WSCD2: variants seen among roughly 807,000 people sequenced by gnomAD.
The protein encoded by WSCD2 is WSC domain sialate O sulfotransferase 2, also known as sialate:O-sulfotransferase 2.
WSCD2 carries 28 observed loss-of-function variants against 55.7 expected under a neutral mutation model. The observed-to-expected ratio is 0.50, with a 90% CI of 0.37 to 0.69. The LOEUF is 0.69. Ranked by LOEUF, WSCD2 falls within the 30% of genes least tolerant of loss-of-function variation. The pLI is 0.00. For synonymous variants in WSCD2, 301 were observed against 301.9 expected, an observed-to-expected ratio of 1.00 and a Z score of 0.03; for missense variants, 616 against 762.1, an observed-to-expected ratio of 0.81 and a Z score of 2.26.
rs563562313 is a variant in WSCD2 at position 108,183,956 on chromosome 12, A to T, written c.-551-11326A>T. ...GGGGAGAGGCAATGGCACAGGGTACATGGAAGGGCCTGGCACATAGTAATT... is the reference window on the plus strand; with the variant it reads ...GGGGAGAGGCAATGGCACAGGGTACTTGGAAGGGCCTGGCACATAGTAATT... On this transcript the variant is annotated intron_variant, in intron 1 of 8. Coordinates refer to ENST00000547525, the MANE Select transcript of WSCD2 (RefSeq NM_014653.4). Among the ~76,000 whole-genome samples the T allele has an allele frequency of 5.9e-5, 9 of 152,310 alleles. No individual in the cohort carries two copies. In the East Asian group the frequency reaches 1.7e-3, roughly 29 times the overall value.
chr12:108,207,921 C>A lies in WSCD2; in HGVS notation c.497+1518C>A, dbSNP rs912106303. ...CTCACAGCCGGCAAGGGGAGACAAA[C>A]ATGTAAACAGAGAGGGATAACATAG... On this transcript the variant is annotated intron_variant, in intron 3 of 8. Coordinates refer to ENST00000547525, the MANE Select transcript of WSCD2 (RefSeq NM_014653.4). 3.9e-5 allele frequency among the ~76,000 whole-genome samples: 6 copies of A among 152,230 alleles called. No individual in the cohort carries two copies. The East Asian group carries it at 9.6e-4, about 24-fold the overall frequency.
chr12:108,194,732 A>T (rs769595308), intron 1 of WSCD2, among the ~76,000 whole-genome samples: 16 of 152,148 alleles, frequency 1.1e-4, no homozygotes, highest in Non-Finnish European at 1.8e-4. Flanking sequence ...TATTTCTCCC[A>T]CTAGAATGTG....
At chr12:108,182,486 AT>A (rs1449828529) in intron 1 of WSCD2, among the ~76,000 whole-genome samples, 3 of 152,194 alleles carry the variant, frequency 2.0e-5, no homozygotes, top group Non-Finnish European at 4.4e-5. Context: ...TTAGAAGTTC[AT>A]TTTGCCAAGG....
At chr12:108,158,730 A>T (rs940338119) in intron 1 of WSCD2, among the ~76,000 whole-genome samples, 6 of 152,058 alleles carry the variant, frequency 3.9e-5, no homozygotes, top group Non-Finnish European at 8.8e-5. Context: ...GACAGTACCA[A>T]CATCCTACCG....
At position 108,240,560 on chromosome 12, in the gene WSCD2, G is replaced by A; in HGVS notation, c.1345+16G>A. On this transcript the variant is annotated intron_variant, in intron 8 of 8. Coordinates refer to ENST00000547525, the MANE Select transcript of WSCD2 (RefSeq NM_014653.4). ...AAGGGCAAAGGTACAGCTCGGGAGAGGAGGGGAGGGGAGGGGAGGGGCTTC... is the reference window on the plus strand; with the variant it reads ...AAGGGCAAAGGTACAGCTCGGGAGAAGAGGGGAGGGGAGGGGAGGGGCTTC... 1.3e-6 allele frequency: 2 copies of A among 1,544,626 alleles called. No individual in the cohort carries two copies. Among genetic ancestry groups the A allele is most frequent in the Non-Finnish European group, 1.8e-6 (2 of 1,132,518 alleles).
At chr12:108,150,472 T>A (rs921622903) in intron 1 of WSCD2, among the ~76,000 whole-genome samples, 7 of 152,080 alleles carry the variant, frequency 4.6e-5, no homozygotes, top group African/African-American at 1.7e-4. Context: ...ATGGGAAGGA[T>A]GAGCGGGACT....
At chr12:108,152,010 C>A (rs561558293) in intron 1 of WSCD2, among the ~76,000 whole-genome samples, 1 of 152,194 alleles carries the variant, frequency 6.6e-6, no homozygotes, top group Non-Finnish European at 1.5e-5. Flanking sequence ...CCAAGGGCGG[C>A]GTCGCTGCTC....
At chr12:108,177,381 C>G (rs973838133) in intron 1 of WSCD2, among the ~76,000 whole-genome samples, 17 of 152,086 alleles carry the variant, frequency 1.1e-4, no homozygotes, top group Non-Finnish European at 2.2e-4. Flanking sequence ...TTACTGGGCA[C>G]TTGCTGTGTA....
intron 2 of WSCD2, among the ~76,000 whole-genome samples, chr12:108,200,627 A>G (rs982770063): frequency 6.6e-6 from 1 of 152,232 alleles, no homozygotes; most frequent in African/African-American, 2.4e-5. Context: ...TTTCCCCATT[A>G]TAACACCTTT....
rs535174999 is a variant in WSCD2 at position 108,249,718 on chromosome 12, G to A, written c.*1375G>A. ...ATTCCCAAGTAGCAAAGAGACCATG[G>A]AGAAGGTGCGTGTAAAGAGATATAT... On this transcript the variant is annotated 3_prime_UTR_variant, in exon 9 of 9. Transcript: ENST00000547525. 6.5e-6 allele frequency: 1 copy of A among 152,776 alleles called. No individual in the cohort carries two copies. The highest frequency in any genetic ancestry group is 1.5e-5 in the Non-Finnish European group (1 of 68,036). The allele number at this position is 152,776 out of a possible 1,614,324, so 9.5% of individuals were successfully genotyped here.
intron 2 of WSCD2, among the ~76,000 whole-genome samples, chr12:108,204,259 C>A (rs80253540): frequency 1.3e-4 from 20 of 152,220 alleles, no homozygotes; most frequent in East Asian, 3.9e-4. Flanking sequence ...AGACACACAA[C>A]CTGTTGATCT....
intron 7 of WSCD2, 134 bp downstream of exon 7, chr12:108,233,029 A>G (rs895396427): frequency 3.1e-5 from 38 of 1,218,710 alleles, no homozygotes; most frequent in Middle Eastern, 5.4e-4. Flanking sequence ...ACTTTTTGAG[A>G]CTCACTGCAT....
intron 1 of WSCD2, among the ~76,000 whole-genome samples, chr12:108,138,222 G>T (rs1876423048): frequency 6.6e-6 from 1 of 152,212 alleles, no homozygotes; most frequent in African/African-American, 2.4e-5. Flanking sequence ...CATGCGGGAA[G>T]ACCCACCACT....
chr12:108,201,986 G>A (rs1466838156), intron 2 of WSCD2, among the ~76,000 whole-genome samples: 1 of 152,104 alleles, frequency 6.6e-6, no homozygotes, highest in Non-Finnish European at 1.5e-5. Flanking sequence ...GTGTGAACTT[G>A]GCCATTAATC....
rs1394591562 is a variant in WSCD2, at chr12:108,235,724, C to T, written c.1144+2829C>T. Among the ~76,000 whole-genome samples the T allele has an allele frequency of 3.9e-5, 6 of 152,174 alleles. No homozygotes were observed. The East Asian group carries it at 1.2e-3, about 29-fold the overall frequency. The stretch of plus-strand genomic sequence containing the variant: ...CTAGTTACTGGATGTTTCCTTCATT[C>T]GTACTGAGACAGGCAGGGGGTAGTG... On this transcript the variant is annotated intron_variant, in intron 7 of 8. Coordinates refer to ENST00000547525, the MANE Select transcript of WSCD2 (RefSeq NM_014653.4).
intron 1 of WSCD2, among the ~76,000 whole-genome samples, chr12:108,139,982 TC>T (rs1876614711): frequency 6.6e-6 from 1 of 152,188 alleles, no homozygotes; most frequent in African/African-American, 2.4e-5. Flanking sequence ...TGCCTCAGTT[TC>T]CTCACCTGCA....
intron 4 of WSCD2, among the ~76,000 whole-genome samples, chr12:108,218,316 G>A (rs916274431): frequency 6.6e-5 from 10 of 152,216 alleles, no homozygotes; most frequent in African/African-American, 2.4e-4. Flanking sequence ...ACAGAGTCGG[G>A]ATTAGAGCTC....
chr12:108,246,337 C>T (rs1281171742), intron 8 of WSCD2, among the ~76,000 whole-genome samples: 2 of 152,206 alleles, frequency 1.3e-5, no homozygotes, highest in Non-Finnish European at 2.9e-5. Context: ...GGGGACTCAC[C>T]ACCCTCGTTC....
chr12:108,160,529 G>A (rs986744339), intron 1 of WSCD2, among the ~76,000 whole-genome samples: 1 of 152,028 alleles, frequency 6.6e-6, no homozygotes, highest in Non-Finnish European at 1.5e-5. Flanking sequence ...AAGAGAGGCT[G>A]GCAGGGGAGG....
Sources: gnomAD v4.1 joint callset for allele counts (sites outside exome capture counted in the v4.1 genomes callset) on GRCh38, gnomAD v4.1.1 for gene constraint, MANE v1.5 for transcripts, NCBI Gene and HGNC (gene_info 2026-07-23, HGNC 2026-07-21) for gene names.